The following PDE4D variants were observed in gnomAD, a reference collection of about 807,000 sequenced individuals.
PDE4D encodes phosphodiesterase 4D.
In PDE4D, 24 loss-of-function variants were observed where a neutral mutation model predicts 87.4. The ratio of observed to expected loss-of-function variants is 0.27; its 90% CI spans 0.20 to 0.39. PDE4D has a LOEUF of 0.39. Among genes scored for constraint, PDE4D ranks in the 10% least tolerant of loss-of-function variants. The probability of loss-of-function intolerance (pLI) is 1.00; values close to 1 mark genes in which losing one functional copy is unlikely to be tolerated. For synonymous variants in PDE4D, 384 were observed against 383.2 expected, an observed-to-expected ratio of 1.00 and a Z score of -0.02; for missense variants, 714 against 1,041.0, an observed-to-expected ratio of 0.69 and a Z score of 4.32.
chr5:59,816,434 G>A (rs922876793), intron 1 of PDE4D, among the ~76,000 whole-genome samples: 3 of 151,944 alleles, frequency 2.0e-5, no homozygotes, highest in African/African-American at 4.8e-5. Context: ...TATGCTCTTG[G>A]GAAAAAAAAT....
intron 1 of PDE4D, among the ~76,000 whole-genome samples, chr5:60,429,306 G>T (rs1743991002): frequency 6.6e-6 from 1 of 152,130 alleles, no homozygotes; most frequent in African/African-American, 2.4e-5. Flanking sequence ...ACTCAGCTTG[G>T]ACATTATCGG....
At position 58,990,901 on chromosome 5, in the gene PDE4D, T is replaced by G. The variant is rs1747752784; in HGVS notation, c.1190A>C (p.Glu397Ala). 6.6e-7 allele frequency: 1 copy of G among 1,518,868 alleles called. No homozygotes were observed. The highest frequency in any genetic ancestry group is 1.9e-5 in the Admixed American group (1 of 52,488). 94.1% of individuals were successfully genotyped at this position (1,518,868 alleles called of 1,614,324 possible). A position where few individuals can be genotyped will look rare whatever the true frequency, so the allele number is the denominator to read the frequency against. The part of the protein sequence containing the change: ...KTEQEDVLAK[E>A]LEDVNKWGLH... ...ACCCCATTTGTTCACATCTTCTAGT[T>G]CCTGGAGTGAAAAAAAAAAAAAGAT... Residue 397 changes from glutamate to alanine, a missense_variant and splice_region_variant, in exon 9 of 15, where the codon GAA becomes GCA. Around this residue, in one of 7 missense-constraint regions of PDE4D, gnomAD observed 141 missense variants for 204.3 expected, o/e 0.69. Coordinates refer to ENST00000340635, the MANE Select transcript of PDE4D (RefSeq NM_001104631.2).
At chr5:60,039,850 T>C (rs1009064728) in intron 2 of PDE4D, among the ~76,000 whole-genome samples, 77 of 152,188 alleles carry the variant, frequency 5.1e-4, no homozygotes, top group Non-Finnish European at 1.0e-3. Context: ...CCTTTCTTTC[T>C]CTTTTGAAGA....
chr5:60,226,352 G>A (rs1745101744), intron 1 of PDE4D, among the ~76,000 whole-genome samples: 1 of 151,964 alleles, frequency 6.6e-6, no homozygotes, highest in South Asian at 2.1e-4. Context: ...CAAGAGATTA[G>A]AACTATAATA....
chr5:60,059,981 A>G (rs1407909904), intron 2 of PDE4D, among the ~76,000 whole-genome samples: 4 of 152,146 alleles, frequency 2.6e-5, no homozygotes, highest in African/African-American at 9.6e-5. Context: ...AAACTTGAAT[A>G]AAATTATAAT....
At chr5:59,232,495 G>T (rs1755437296) in intron 1 of PDE4D, among the ~76,000 whole-genome samples, 1 of 132,554 alleles carries the variant, frequency 7.5e-6, no homozygotes, top group Non-Finnish European at 1.6e-5. Context: ...CCTTAGAATG[G>T]CTATTATTAA....
chr5:59,961,807 G>C (rs1450117886), intron 3 of PDE4D, among the ~76,000 whole-genome samples: 1 of 152,110 alleles, frequency 6.6e-6, no homozygotes, highest in Non-Finnish European at 1.5e-5. Flanking sequence ...TGGGTTTATG[G>C]TGAAGATGAT....
chr5:60,361,565 TC>T (rs1561164792), intron 1 of PDE4D, among the ~76,000 whole-genome samples: 2 of 152,334 alleles, frequency 1.3e-5, no homozygotes, highest in African/African-American at 4.8e-5. Flanking sequence ...CTTTCTGCCC[TC>T]CCTTGTGGAT....
chr5:60,092,005 C>G (rs989911477), intron 2 of PDE4D, among the ~76,000 whole-genome samples: 6 of 136,730 alleles, frequency 4.4e-5, no homozygotes, highest in African/African-American at 1.6e-4. Context: ...GAGTCGAGAT[C>G]GCGCCACTGC....
chr5:60,182,094 C>T (rs190392202), intron 2 of PDE4D, among the ~76,000 whole-genome samples: 13 of 152,230 alleles, frequency 8.5e-5, no homozygotes, highest in African/African-American at 2.2e-4. Flanking sequence ...GGACAAGATA[C>T]TTCAGAGACC....
chr5:59,574,012 A>C (rs1362844673), intron 1 of PDE4D, among the ~76,000 whole-genome samples: 1 of 101,130 alleles, frequency 9.9e-6, no homozygotes, highest in Non-Finnish European at 2.0e-5. Flanking sequence ...AAAAATATAT[A>C]TATATATATA....
At chr5:59,161,760 G>C (rs138642475) in intron 5 of PDE4D, among the ~76,000 whole-genome samples, 141 of 152,186 alleles carry the variant, frequency 9.3e-4, no homozygotes, top group African/African-American at 3.3e-3. Flanking sequence ...CTCAATTTCC[G>C]TTTTCCCCCT....
At chr5:59,423,752 A>G (rs879537090) in intron 1 of PDE4D, among the ~76,000 whole-genome samples, 8 of 152,016 alleles carry the variant, frequency 5.3e-5, no homozygotes, top group Non-Finnish European at 1.0e-4. Flanking sequence ...ATGGGTGACA[A>G]GGGCAATTTA....
chr5:60,186,181 G>A (rs1297280513), intron 1 of PDE4D, among the ~76,000 whole-genome samples: 7 of 152,100 alleles, frequency 4.6e-5, no homozygotes, highest in Admixed American at 4.6e-4. Context: ...GTACCTTGAA[G>A]CCAATCCAAT....
chr5:60,148,533 T>C (rs1781219237), intron 2 of PDE4D, among the ~76,000 whole-genome samples: 1 of 152,154 alleles, frequency 6.6e-6, no homozygotes, highest in Admixed American at 6.5e-5. Context: ...GGTATTTGGC[T>C]CTGGAATCAA....
chr5:60,521,266 C>T (rs1051875421), intron 1 of PDE4D: 1 of 152,202 alleles, frequency 6.6e-6, no homozygotes, highest in Non-Finnish European at 1.5e-5. Context: ...CAGGAGACAT[C>T]ATCTTAAAGT....
At chr5:59,353,130 A>G (rs1582116241) in intron 1 of PDE4D, among the ~76,000 whole-genome samples, 1 of 152,170 alleles carries the variant, frequency 6.6e-6, no homozygotes, top group Non-Finnish European at 1.5e-5. Flanking sequence ...CTTGTCACAT[A>G]AAATGTTCCT....
At chr5:60,410,304 AC>A (rs1741938089) in intron 1 of PDE4D, among the ~76,000 whole-genome samples, 1 of 152,038 alleles carries the variant, frequency 6.6e-6, no homozygotes, top group Non-Finnish European at 1.5e-5. Context: ...ATGGGTCCAG[AC>A]TTTTCTCTCC....
intron 1 of PDE4D, among the ~76,000 whole-genome samples, chr5:60,254,715 A>G (rs1002722017): frequency 1.3e-5 from 2 of 151,906 alleles, no homozygotes; most frequent in Non-Finnish European, 2.9e-5. Context: ...TCATCATGAT[A>G]CTTAGACATC....
Sources: allele counts gnomAD v4.1 joint callset (sites outside exome capture counted in the v4.1 genomes callset), GRCh38; gene constraint gnomAD v4.1.1; regional missense constraint gnomAD v4.1.1; transcripts MANE v1.5; gene names NCBI Gene and HGNC (gene_info 2026-07-23, HGNC 2026-07-21).